The following EDA variants were observed in gnomAD, a reference collection of about 807,000 sequenced individuals.
EDA encodes ectodysplasin-A.
Under a neutral mutation model 23.6 loss-of-function variants are expected in EDA, and 2 were observed. The observed-to-expected ratio is 0.08, with a 90% CI of 0.03 to 0.27. EDA has a LOEUF of 0.27. Among genes scored for constraint, EDA ranks in the 10% least tolerant of loss-of-function variants. The pLI is 1.00. For synonymous variants in EDA, 131 were observed against 132.0 expected, an observed-to-expected ratio of 0.99 and a Z score of 0.05; for missense variants, 229 against 324.2, an observed-to-expected ratio of 0.71 and a Z score of 2.26.
chrX:69,755,681 A>G (rs1003712123), intron 1 of EDA, among the ~76,000 whole-genome samples: 4 of 112,621 alleles, frequency 3.6e-5, no homozygotes, highest in Non-Finnish European at 7.5e-5. Flanking sequence ...ACAGAGGCTG[A>G]CAGGCCTCCT....
At chrX:69,655,175 C>T (rs1933262901) in intron 1 of EDA, among the ~76,000 whole-genome samples, 2 of 111,683 alleles carry the variant, frequency 1.8e-5, no homozygotes, top group South Asian at 7.6e-4. Context: ...TTGGGCAGAT[C>T]ACCTGAGGTC....
At chrX:69,653,092 A>G (rs886919573) in intron 1 of EDA, among the ~76,000 whole-genome samples, 1 of 111,886 alleles carries the variant, frequency 8.9e-6, no homozygotes, top group African/African-American at 3.2e-5. Context: ...CACAATATTG[A>G]TTCTACCTAC....
At position 69,654,769 on chromosome X, in the gene EDA, G is replaced by A. The variant is rs371865083; in HGVS notation, c.396+38065G>A. Among the ~76,000 whole-genome samples, 70 of 97,025 alleles carry A rather than the reference G, an allele frequency of 7.2e-4. 2 individuals are homozygous for A. The East Asian group carries it at 9.2e-3, about 13-fold the overall frequency. The allele number at this position is 97,025 out of a possible 115,157, so 84.3% of individuals were successfully genotyped here. ...CAATGAGAACACATGGACACAGGAAGGGGAACATCACACACCGGGGACTGT... is the reference window on the plus strand; with the variant it reads ...CAATGAGAACACATGGACACAGGAAAGGGAACATCACACACCGGGGACTGT... On this transcript the variant is annotated intron_variant, in intron 1 of 7. Transcript: ENST00000374552.
intron 1 of EDA, among the ~76,000 whole-genome samples, chrX:69,783,593 C>A (rs992476153): frequency 9.0e-6 from 1 of 110,759 alleles, no homozygotes; most frequent in Non-Finnish European, 1.9e-5. Flanking sequence ...CAATTTCATC[C>A]ATGTCCCTAC....
intron 1 of EDA, among the ~76,000 whole-genome samples, chrX:69,851,349 T>C (rs765685461): frequency 8.9e-6 from 1 of 112,470 alleles, no homozygotes; most frequent in Non-Finnish European, 1.9e-5. Context: ...CTTTTGTGCT[T>C]ATGCATTTAA....
At chrX:69,932,934 CTCT>C (rs201861079) in intron 1 of EDA, among the ~76,000 whole-genome samples, 1,275 of 108,446 alleles carry the variant, frequency 0.012, 11 homozygotes, top group African/African-American at 0.032. Context: ...TTTTTAGTTC[CTCT>C]TCTTTTTTTT....
chrX:69,695,977 C>T (rs781516309), intron 1 of EDA, among the ~76,000 whole-genome samples: 10 of 110,580 alleles, frequency 9.0e-5, no homozygotes, highest in Non-Finnish European at 1.9e-4. Context: ...CAGTGGCTCA[C>T]GCCTGTAATC....
intron 1 of EDA, among the ~76,000 whole-genome samples, chrX:69,947,119 C>T (rs1003471107): frequency 1.3e-4 from 15 of 111,978 alleles, no homozygotes; most frequent in Admixed American, 1.3e-3. Context: ...GCCAAAGCAC[C>T]TTTCACTTTA....
chrX:69,660,038 G>A (rs764338891), intron 1 of EDA, among the ~76,000 whole-genome samples: 5 of 111,606 alleles, frequency 4.5e-5, no homozygotes, highest in South Asian at 3.8e-4. Context: ...TCATTCCACC[G>A]ACCATAACAT....
intron 1 of EDA, chrX:69,860,760 T>G: frequency 3.9e-6 from 2 of 511,039 alleles, no homozygotes; most frequent in Admixed American, 5.3e-5. Context: ...TTCCTTTATT[T>G]GAATATTGGC....
chrX:69,841,996 C>T (rs1169628341), intron 1 of EDA, among the ~76,000 whole-genome samples: 1 of 112,243 alleles, frequency 8.9e-6, no homozygotes, highest in Non-Finnish European at 1.9e-5. Context: ...TTTCTGCTAT[C>T]TACTATATCA....
rs751402339 is a variant in EDA, at chrX:69,653,645, G to A, written c.396+36941G>A. Among the ~76,000 whole-genome samples the A allele has an allele frequency of 1.1e-4, 12 of 110,602 alleles. No homozygotes were observed. The South Asian group carries it at 2.0e-3, about 18-fold the overall frequency. On this transcript the variant is annotated intron_variant, in intron 1 of 7. Transcript: ENST00000374552. ...GAACAGAGCCCTCAGAAATAATGCC[G>A]CATATCTACAACTATCTGATCTTTG...
chrX:69,824,688 A>G (rs1256161825), intron 1 of EDA, among the ~76,000 whole-genome samples: 2 of 91,613 alleles, frequency 2.2e-5, no homozygotes, highest in Non-Finnish European at 4.3e-5. Context: ...AATACCCTTT[A>G]TTTCCTTCTC....
At chrX:69,776,303 A>T (rs1013732424) in intron 1 of EDA, among the ~76,000 whole-genome samples, 1 of 111,799 alleles carries the variant, frequency 8.9e-6, no homozygotes, top group Non-Finnish European at 1.9e-5. Context: ...CCCCACCCAA[A>T]TCTCACCTTG....
At chrX:69,870,891 G>C (rs941722325) in intron 1 of EDA, among the ~76,000 whole-genome samples, 3 of 111,508 alleles carry the variant, frequency 2.7e-5, no homozygotes, top group Non-Finnish European at 5.6e-5. Flanking sequence ...GGCAATCTTA[G>C]CAGATTTGCG....
chrX:69,749,939 T>C (rs1359489474), intron 1 of EDA, among the ~76,000 whole-genome samples: 2 of 102,650 alleles, frequency 1.9e-5, no homozygotes, highest in African/African-American at 3.6e-5. Context: ...TTTTTTTTTT[T>C]TTTTTTTTTT....
At chrX:69,854,306 G>C (rs931480468) in intron 1 of EDA, among the ~76,000 whole-genome samples, 1 of 110,881 alleles carries the variant, frequency 9.0e-6, no homozygotes, top group African/African-American at 3.3e-5. Context: ...CGATTCTCCA[G>C]TCTCAGCCTC....
chrX:70,032,927 ATC>A (rs1400609528), intron 6 of EDA, among the ~76,000 whole-genome samples: 1 of 112,546 alleles, frequency 8.9e-6, no homozygotes, highest in East Asian at 2.8e-4. Context: ...GTAAAAAAGA[ATC>A]TCTTAAGGAG....
chrX:69,825,157 C>G (rs1406401982), intron 1 of EDA, among the ~76,000 whole-genome samples: 6 of 102,308 alleles, frequency 5.9e-5, no homozygotes, highest in Non-Finnish European at 1.0e-4. Flanking sequence ...GTCTAAAATT[C>G]TCTTTTTTGG....
Sources: gnomAD v4.1 joint callset for allele counts (sites outside exome capture counted in the v4.1 genomes callset) on GRCh38, gnomAD v4.1.1 for gene constraint, MANE v1.5 for transcripts, NCBI Gene and HGNC (gene_info 2026-07-23, HGNC 2026-07-21) for gene names.